ELOVL6: variants seen among roughly 807,000 people sequenced by gnomAD.
ELOVL6 encodes the protein very long chain fatty acid elongase 6.
In ELOVL6, 8 loss-of-function variants were observed where a neutral mutation model predicts 31.7. That is an observed-to-expected ratio of 0.25 (90% CI 0.15 to 0.45). The LOEUF (loss-of-function observed/expected upper bound fraction) is 0.45. Ranked by LOEUF, ELOVL6 falls within the 20% of genes least tolerant of loss-of-function variation. The pLI is 1.00. For synonymous variants in ELOVL6, 101 were observed against 117.7 expected (o/e 0.86, Z 0.92); for missense variants, 126 against 326.4 (o/e 0.39, Z 4.73).
rs1036320569 is a variant in ELOVL6 at position 110,120,784 on chromosome 4, CT to C, written c.90-15157del. ...GTTACACTTCTCAGCTGGTTCTTTT[CT>C]TTTTTTTCTTTTCTTTTTTTTTTTT... is the stretch of plus-strand genomic sequence containing the variant. On this transcript the variant is annotated intron_variant, in intron 1 of 3. Transcript: ENST00000302274. Among the ~76,000 whole-genome samples the C allele has an allele frequency of 5.0e-5, 7 of 139,478 alleles. No individual in the cohort carries two copies. The Admixed American group carries it at 5.2e-4, about 10-fold the overall frequency. The allele number at this position is 139,478 out of a possible 152,430, so 91.5% of individuals were successfully genotyped here.
At position 110,059,697 on chromosome 4, in the gene ELOVL6, G is replaced by T. The variant is rs1169905336; in HGVS notation, c.279C>A (p.Gly93=). 4 of 1,614,010 alleles carry T rather than the reference G, an allele frequency of 2.5e-6. No homozygotes were observed. Among genetic ancestry groups the T allele is most frequent in the Non-Finnish European group, 2.5e-6 (3 of 1,179,954 alleles). The change falls in exon 3 of 4, where the codon GGC becomes GGA. Residue 93 remains glycine, a synonymous_variant. Transcript: ENST00000302274. ...CCTGGTCACAAACTGACTGCTTCAG[G>T]CCTTTGGTCATCAAAATGTACACCA... ...AYMVYILMTK[G]LKQSVCDQGF...
intron 1 of ELOVL6, among the ~76,000 whole-genome samples, chr4:110,113,607 T>C (rs1350324649): frequency 6.6e-6 from 1 of 152,108 alleles, no homozygotes; most frequent in Non-Finnish European, 1.5e-5. Context: ...CAAAAAGTCA[T>C]TGGTCTTATT....
intron 1 of ELOVL6, among the ~76,000 whole-genome samples, chr4:110,159,233 G>A (rs541636807): frequency 4.6e-5 from 7 of 152,238 alleles, no homozygotes; most frequent in South Asian, 4.2e-4. Flanking sequence ...TTTATGGAGT[G>A]CCTTCCATGT....
At chr4:110,155,724 G>C (rs566206234) in intron 1 of ELOVL6, among the ~76,000 whole-genome samples, 10 of 152,108 alleles carry the variant, frequency 6.6e-5, no homozygotes, top group African/African-American at 2.4e-4. Context: ...AGAATTGCTA[G>C]AGAGCTTGGG....
At chr4:110,132,829 G>A (rs918185519) in intron 1 of ELOVL6, among the ~76,000 whole-genome samples, 2 of 151,502 alleles carry the variant, frequency 1.3e-5, no homozygotes, top group African/African-American at 4.9e-5. Flanking sequence ...AGTACAGCAA[G>A]ACTGTCTTTA....
chr4:110,058,393 T>A (rs72676980), intron 3 of ELOVL6, among the ~76,000 whole-genome samples: 1 of 152,078 alleles, frequency 6.6e-6, no homozygotes. Flanking sequence ...CAGGAAAAAT[T>A]TTCTTCTGTT....
intron 2 of ELOVL6, among the ~76,000 whole-genome samples, chr4:110,082,689 A>G (rs565477616): frequency 2.0e-5 from 3 of 152,294 alleles, no homozygotes; most frequent in Admixed American, 2.0e-4. Context: ...GCACATGTAT[A>G]CATATGTAAC....
rs1182086177 is a variant in ELOVL6, at chr4:110,048,726, T to C, written c.*2612A>G. ...GTTTTGTTTTGTTTTAAAAAAAATG[T>C]GGCTTTTTTCCTCCCATGATAAACA... On this transcript the variant is annotated 3_prime_UTR_variant, in exon 4 of 4. Coordinates refer to ENST00000302274, the MANE Select transcript of ELOVL6 (RefSeq NM_024090.3). 2 of 152,152 alleles carry C rather than the reference T, an allele frequency of 1.3e-5. No individual in the cohort carries two copies. Among genetic ancestry groups the C allele is most frequent in the African/African-American group, 4.8e-5 (2 of 41,444 alleles). 9.4% of individuals were successfully genotyped at this position (152,152 alleles called of 1,614,324 possible). A position where few individuals can be genotyped will look rare whatever the true frequency, so the allele number is the denominator to read the frequency against.
At position 110,056,121 on chromosome 4, in the gene ELOVL6, C is replaced by T. The variant is rs541270026; in HGVS notation, c.373+3482G>A. On this transcript the variant is annotated intron_variant, in intron 3 of 3. Transcript: ENST00000302274. ...AAACAAGAGTTTGAGTTTGTGGGAG[C>T]TGGGGGGGGGGATACAGTTTCAGTA... Among the ~76,000 whole-genome samples the T allele has an allele frequency of 6.8e-3, 554 of 81,368 alleles. 3 individuals are homozygous for T. Among genetic ancestry groups the T allele is most frequent in the African/African-American group, 0.036 (485 of 13,316 alleles). The allele number at this position is 81,368 out of a possible 152,430, so 53.4% of individuals were successfully genotyped here.
chr4:110,138,042 G>A (rs28461668), intron 1 of ELOVL6, among the ~76,000 whole-genome samples: 2,051 of 152,294 alleles, frequency 0.013, 40 homozygotes, highest in African/African-American at 0.044. Context: ...CACAGCTTCT[G>A]CTAAAGTCAT....
chr4:110,195,308 T>C (rs1256231542), intron 1 of ELOVL6, among the ~76,000 whole-genome samples: 1 of 152,166 alleles, frequency 6.6e-6, no homozygotes, highest in African/African-American at 2.4e-5. Flanking sequence ...TTAGTAGAGA[T>C]GGGGTTTCAC....
chr4:110,051,795 T>C lies in ELOVL6; in HGVS notation c.374-33A>G. On this transcript the variant is annotated intron_variant, in intron 3 of 3. Coordinates refer to ENST00000302274, the MANE Select transcript of ELOVL6 (RefSeq NM_024090.3). The surrounding 1 kb of genome is among the most constrained non-coding windows in gnomAD (Gnocchi z 4.8). ...ACAAAGAGGAAGAAGGTACGTGAGA[T>C]CCTTGACCACCAGTAACGATGACTT... The C allele has an allele frequency of 3.2e-6, 5 of 1,575,988 alleles. No homozygotes were observed. The highest frequency in any genetic ancestry group is 4.3e-6 in the Non-Finnish European group (5 of 1,154,410).
At chr4:110,195,802 A>C (rs1336451237) in intron 1 of ELOVL6, among the ~76,000 whole-genome samples, 1 of 151,962 alleles carries the variant, frequency 6.6e-6, no homozygotes, top group Non-Finnish European at 1.5e-5. Context: ...TTTTCTCAAG[A>C]ATGTGCCTTA....
chr4:110,197,211 G>A (rs189969014), intron 1 of ELOVL6, among the ~76,000 whole-genome samples: 83 of 152,338 alleles, frequency 5.4e-4, no homozygotes, highest in African/African-American at 2.0e-3. Context: ...CGTTGGGCTT[G>A]AACTTTACAG....
intron 1 of ELOVL6, among the ~76,000 whole-genome samples, chr4:110,148,447 TAG>T (rs1455171357): frequency 7.6e-6 from 1 of 131,862 alleles, no homozygotes; most frequent in Non-Finnish European, 1.5e-5. Context: ...CTCATGGAGA[TAG>T]AGAGTAGAAA....
chr4:110,121,053 G>A (rs1757344697), intron 1 of ELOVL6, among the ~76,000 whole-genome samples: 1 of 151,954 alleles, frequency 6.6e-6, no homozygotes, highest in African/African-American at 2.4e-5. Context: ...CACCTACCTC[G>A]GCCTCCCAAA....
intron 1 of ELOVL6, among the ~76,000 whole-genome samples, chr4:110,160,099 C>CACACACACACACAA (rs1044209346): frequency 2.6e-5 from 4 of 151,684 alleles, no homozygotes; most frequent in Non-Finnish European, 4.4e-5. Flanking sequence ...ACAACTTACA[C>CACACACACACACAA]ACACACACAC....
intron 2 of ELOVL6, among the ~76,000 whole-genome samples, chr4:110,094,717 A>G (rs1464264482): frequency 6.6e-6 from 1 of 151,702 alleles, no homozygotes; most frequent in Non-Finnish European, 1.5e-5. Context: ...CTGACACTAC[A>G]TAACATCAGT....
At chr4:110,103,741 G>A (rs1756814320) in intron 2 of ELOVL6, among the ~76,000 whole-genome samples, 1 of 151,698 alleles carries the variant, frequency 6.6e-6, no homozygotes, top group Non-Finnish European at 1.5e-5. Flanking sequence ...GAATCATAAG[G>A]AAAAAGAGGA....
Sources: allele counts gnomAD v4.1 joint callset (sites outside exome capture counted in the v4.1 genomes callset), GRCh38; gene constraint gnomAD v4.1.1; non-coding constraint Gnocchi (gnomAD v3.1); transcripts MANE v1.5; gene names NCBI Gene and HGNC (gene_info 2026-07-23, HGNC 2026-07-21).